NFASC: variants seen among roughly 807,000 people sequenced by gnomAD.
NFASC encodes the protein neurofascin.
In NFASC, 43 loss-of-function variants were observed where a neutral mutation model predicts 147.5. The ratio of observed to expected loss-of-function variants is 0.29; its 90% confidence interval spans 0.23 to 0.38. The LOEUF (loss-of-function observed/expected upper bound fraction) is 0.38. NFASC is among the 10% of genes least tolerant of loss of function. The pLI is 1.00. For missense variants in NFASC, 1,320 were observed against 1,689.0 expected (o/e 0.78, Z 3.83); for synonymous variants, 622 against 665.5 (o/e 0.93, Z 1.01).
At chr1:204,963,511 T>C (rs1055359944) in intron 8 of NFASC, among the ~76,000 whole-genome samples, 2 of 152,256 alleles carry the variant, frequency 1.3e-5, no homozygotes, top group Admixed American at 6.5e-5. Context: ...AGAGTTGTTT[T>C]ATCAATGGAA....
At chr1:204,859,359 G>T (rs1169707457) in intron 1 of NFASC, among the ~76,000 whole-genome samples, 1 of 152,198 alleles carries the variant, frequency 6.6e-6, no homozygotes, top group East Asian at 1.9e-4. Context: ...GACCATCCTT[G>T]GGACTGCTCA....
Position 204,973,259 on chromosome 1 carries a change from CTCTT to C in NFASC, c.1136-12_1136-9del. On this transcript the variant is annotated splice_polypyrimidine_tract_variant and intron_variant, in intron 11 of 29. Transcript: ENST00000339876. ...CCTCCCCATCTCTCATGAGGAGCGT[CTCTT>C]TCTTGTCTGTAGCGGCACCACCTAA... The C allele has an allele frequency of 6.2e-7, 1 of 1,613,820 alleles. No homozygotes were observed. The highest frequency in any genetic ancestry group is 8.5e-7 in the Non-Finnish European group (1 of 1,179,930).
At position 204,856,418 on chromosome 1, in the gene NFASC, T is replaced by TGTGA. The variant is rs1320968276; in HGVS notation, c.-200+27637_-200+27638insTGAG. ...GTGTGTGTGTGTGTGTGTGTGTGTGTGATTGTGTGAAGAAACGTCTGCCAA... is the reference window on the plus strand; with the variant it reads ...GTGTGTGTGTGTGTGTGTGTGTGTGTGTGAGATTGTGTGAAGAAACGTCTGCCAA... On this transcript the variant is annotated intron_variant, in intron 1 of 29. Coordinates refer to ENST00000339876, the MANE Select transcript of NFASC (RefSeq NM_001005388.3). 5.4e-3 allele frequency among the ~76,000 whole-genome samples: 814 copies of TGTGA among 151,178 alleles called. 6 individuals are homozygous for TGTGA. Among genetic ancestry groups the TGTGA allele is most frequent in the African/African-American group, 0.017 (706 of 41,088 alleles).
chr1:204,834,531 C>G (rs1457742667), intron 1 of NFASC, among the ~76,000 whole-genome samples: 1 of 152,186 alleles, frequency 6.6e-6, no homozygotes, highest in South Asian at 2.1e-4. Context: ...TCACCTGCTC[C>G]TCCTCACTCC....
At chr1:204,912,538 C>T (rs1043093190) in intron 1 of NFASC, among the ~76,000 whole-genome samples, 3 of 151,270 alleles carry the variant, frequency 2.0e-5, no homozygotes, top group Non-Finnish European at 4.4e-5. Flanking sequence ...ATCTCTAAAA[C>T]TATAAATAAT....
Position 204,954,518 on chromosome 1 carries a change from C to A in NFASC, c.412+134C>A. The stretch of plus-strand genomic sequence containing the variant: ...CCTTGGTGTTCTCTATGCATCTTCC[C>A]CACCTCAGAATGATTCCCTGGAAAG... On this transcript the variant is annotated intron_variant, in intron 6 of 29. Transcript: ENST00000339876. This position sits in a 1 kb window ranked among gnomAD's most constrained non-coding sequence, Gnocchi z 5.7. 1.3e-6 allele frequency: 1 copy of A among 798,308 alleles called. No homozygotes were observed. The highest frequency in any genetic ancestry group is 1.7e-5 in the African/African-American group (1 of 57,652). 49.5% of individuals were successfully genotyped at this position (798,308 alleles called of 1,614,324 possible).
intron 1 of NFASC, chr1:204,870,905 C>T: frequency 1.1e-5 from 13 of 1,207,912 alleles, no homozygotes; most frequent in Non-Finnish European, 1.4e-5. Context: ...CTGAGGCCAA[C>T]TTTCAGGGAA....
At chr1:204,966,589 TATAGAC>T (rs1249483792) in intron 8 of NFASC, among the ~76,000 whole-genome samples, 1 of 152,188 alleles carries the variant, frequency 6.6e-6, no homozygotes, top group African/African-American at 2.4e-5. Flanking sequence ...CTACAAGAGT[TATAGAC>T]ATAGATGATA....
intron 1 of NFASC, among the ~76,000 whole-genome samples, chr1:204,854,432 G>A (rs143251499): frequency 1.9e-3 from 286 of 152,296 alleles, no homozygotes; most frequent in African/African-American, 6.5e-3. Context: ...ATTACCTGCA[G>A]TAGGGAAAGC....
chr1:205,008,851 G>A (rs2096193383), intron 27 of NFASC: 1 of 155,112 alleles, frequency 6.4e-6, no homozygotes, highest in South Asian at 2.0e-4. Context: ...GTGGCATGGA[G>A]TGAGCAGAAG....
Position 205,016,589 on chromosome 1 carries a change from A to G in NFASC, c.*50A>G. 7.3e-7 allele frequency: 1 copy of G among 1,379,142 alleles called. No homozygotes were observed. The highest frequency in any genetic ancestry group is 2.3e-5 in the East Asian group (1 of 43,502). 85.4% of individuals were successfully genotyped at this position (1,379,142 alleles called of 1,614,324 possible). A position where few individuals can be genotyped will look rare whatever the true frequency, so the allele number is the denominator to read the frequency against. On this transcript the variant is annotated 3_prime_UTR_variant, in exon 30 of 30. Transcript: ENST00000339876. This position sits in a 1 kb window ranked among gnomAD's most constrained non-coding sequence, Gnocchi z 5.1. ...CACTTTGCAAGTGGGAGGAGGGGAG[A>G]AGGGGAGACAAAACCACTGCAGACC...
intron 2 of NFASC, among the ~76,000 whole-genome samples, chr1:204,921,009 T>G (rs1019531147): frequency 2.6e-5 from 4 of 152,332 alleles, no homozygotes; most frequent in Middle Eastern, 3.4e-3. Context: ...GCGCTGGCAT[T>G]GTCCCAATGT....
At chr1:204,912,856 C>CAAA (rs750935134) in intron 1 of NFASC, among the ~76,000 whole-genome samples, 1 of 113,648 alleles carries the variant, frequency 8.8e-6, no homozygotes, top group African/African-American at 3.1e-5. Context: ...ATCCTGTCTC[C>CAAA]AAAAAAAAAA....
At chr1:204,929,563 T>A (rs1197063576) in intron 2 of NFASC, 1 of 152,442 alleles carries the variant, frequency 6.6e-6, no homozygotes, top group African/African-American at 2.4e-5. Flanking sequence ...TTACTGCCTC[T>A]TCTAAAAGGG....
Position 204,863,056 on chromosome 1 carries a change from G to A in NFASC, c.-200+34274G>A, listed in dbSNP as rs547266008. ...AATGGGGTAGAAGTAAAGTCATCTGGAGAGTAGACTGGAGGGAAGTGATGG... is the reference window on the plus strand; with the variant it reads ...AATGGGGTAGAAGTAAAGTCATCTGAAGAGTAGACTGGAGGGAAGTGATGG... On this transcript the variant is annotated intron_variant, in intron 1 of 29. Transcript: ENST00000339876. Among the ~76,000 whole-genome samples the A allele has an allele frequency of 5.3e-5, 8 of 152,312 alleles. 1 individual carries two copies. In the South Asian group the frequency reaches 1.7e-3, roughly 32 times the overall value.
At chr1:204,970,158 G>A (rs1028024429) in intron 10 of NFASC, among the ~76,000 whole-genome samples, 3 of 151,274 alleles carry the variant, frequency 2.0e-5, no homozygotes, top group Admixed American at 1.3e-4. Flanking sequence ...TTTCCTAAAT[G>A]GTCTGATCTT....
rs777430337 is a variant in NFASC at position 204,980,422 on chromosome 1, C to T, written c.2229C>T (p.Asn743=). 1.9e-6 allele frequency: 3 copies of T among 1,613,268 alleles called. No homozygotes were observed. The highest frequency in any genetic ancestry group is 2.5e-6 in the Non-Finnish European group (3 of 1,179,580). Residue 743 remains asparagine, a synonymous_variant, in exon 20 of 30, where the codon AAC becomes AAT. Transcript: ENST00000339876. The part of the protein sequence containing the change: ...DVKGEGTRKN[N]MEITWTPMNA... Reference sequence around the variant, plus strand: ...AGGGAGAGGGGACCAGAAAGAACAACATGGAGATCACGTGGACGGTAAGAG... The same window carrying T: ...AGGGAGAGGGGACCAGAAAGAACAATATGGAGATCACGTGGACGGTAAGAG...
At chr1:204,870,726 T>C in intron 1 of NFASC, 1 of 1,134,762 alleles carries the variant, frequency 8.8e-7, no homozygotes, top group Non-Finnish European at 1.1e-6. Context: ...TAAACAAGTG[T>C]ATTGTGTGGC....
chr1:204,974,461 AC>A, intron 13 of NFASC, 171 bp downstream of exon 13: 3 of 821,992 alleles, frequency 3.6e-6, no homozygotes, highest in Non-Finnish European at 6.0e-6. Context: ...AGAATGGGAA[AC>A]CAAGACCTTG....
Sources: gnomAD v4.1 joint callset for allele counts (sites outside exome capture counted in the v4.1 genomes callset) on GRCh38, gnomAD v4.1.1 for gene constraint, Gnocchi (gnomAD v3.1) non-coding constraint, MANE v1.5 for transcripts, NCBI Gene and HGNC (gene_info 2026-07-23, HGNC 2026-07-21) for gene names.